The following NME7 variants were observed in gnomAD, a reference collection of about 807,000 sequenced individuals.
NME7 encodes NME/NM23 family member 7.
In NME7, 41 loss-of-function variants were observed where a neutral mutation model predicts 49.1. The ratio of observed to expected loss-of-function variants is 0.83; its 90% CI spans 0.65 to 1.08. The LOEUF (loss-of-function observed/expected upper bound fraction) is 1.08. Among genes scored for constraint, NME7 ranks in the 50% least tolerant of loss-of-function variants. The pLI is 0.00. For synonymous variants in NME7, 139 were observed against 150.6 expected (o/e 0.92, Z 0.56); for missense variants, 423 against 463.4 (o/e 0.91, Z 0.80).
intron 10 of NME7, among the ~76,000 whole-genome samples, chr1:169,180,449 A>G (rs998504620): frequency 6.6e-6 from 1 of 152,226 alleles, no homozygotes; most frequent in South Asian, 2.1e-4. Context: ...CCTCCTATCC[A>G]GCAATGAAGA....
chr1:169,282,814 A>T (rs1210560685), intron 7 of NME7, among the ~76,000 whole-genome samples: 2 of 151,678 alleles, frequency 1.3e-5, no homozygotes, highest in African/African-American at 4.8e-5. Flanking sequence ...GGTCTGAGAG[A>T]CTGTTATAAT....
At chr1:169,279,274 G>A (rs1247371063) in intron 7 of NME7, among the ~76,000 whole-genome samples, 4 of 152,202 alleles carry the variant, frequency 2.6e-5, no homozygotes, top group Admixed American at 2.6e-4. Context: ...TTGTTTGTCT[G>A]TGCTCTGCCC....
At chr1:169,269,094 C>T (rs1413963936) in intron 7 of NME7, among the ~76,000 whole-genome samples, 3 of 133,386 alleles carry the variant, frequency 2.2e-5, no homozygotes, top group African/African-American at 7.6e-5. Flanking sequence ...TAAATGCAAT[C>T]CTTCCTCAAA....
chr1:169,275,500 A>C (rs1157783756), intron 7 of NME7, among the ~76,000 whole-genome samples: 1 of 125,744 alleles, frequency 8.0e-6, no homozygotes, highest in African/African-American at 2.7e-5. Flanking sequence ...AAAAAAAAAA[A>C]AAAAAGAATG....
rs1314042949 is a variant in NME7 at position 169,230,715 on chromosome 1, T to C, written c.990+3A>G. 6.3e-7 allele frequency: 1 copy of C among 1,579,946 alleles called. No homozygotes were observed. Among genetic ancestry groups the C allele is most frequent in the Non-Finnish European group, 8.6e-7 (1 of 1,158,604 alleles). On this transcript the variant is annotated splice_donor_region_variant and intron_variant, in intron 10 of 11. Coordinates refer to ENST00000367811, the MANE Select transcript of NME7 (RefSeq NM_013330.5). ...TAGGATAATATTTTAAACAATAACT[T>C]ACAGGATCAGCAGGTCCACAAAATT...
intron 11 of NME7, among the ~76,000 whole-genome samples, chr1:169,144,617 T>A (rs1658697715): frequency 6.6e-6 from 1 of 152,134 alleles, no homozygotes; most frequent in Non-Finnish European, 1.5e-5. Flanking sequence ...TCCTGGAGAA[T>A]GTTAAATTCT....
Position 169,258,439 on chromosome 1 carries a change from T to C in NME7, c.755-20752A>G, listed in dbSNP as rs548896215. On this transcript the variant is annotated intron_variant, in intron 7 of 11. Coordinates refer to ENST00000367811, the MANE Select transcript of NME7 (RefSeq NM_013330.5). Reference sequence around the variant, plus strand: ...ACACACACACATACACACACACATATATCTTCTCATTCTCAAAGTTAGCCT... The same window carrying C: ...ACACACACACATACACACACACATACATCTTCTCATTCTCAAAGTTAGCCT... Among the ~76,000 whole-genome samples the C allele has an allele frequency of 3.3e-3, 398 of 120,366 alleles. 28 individuals are homozygous for C. The highest frequency in any genetic ancestry group is 0.011 in the African/African-American group (382 of 34,564). 79.0% of individuals were successfully genotyped at this position (120,366 alleles called of 152,430 possible). A position where few individuals can be genotyped will look rare whatever the true frequency, so the allele number is the denominator to read the frequency against.
intron 11 of NME7, among the ~76,000 whole-genome samples, chr1:169,144,177 C>T (rs374779804): frequency 7.2e-5 from 11 of 152,210 alleles, no homozygotes; most frequent in African/African-American, 2.4e-4. Flanking sequence ...AGCTACTACA[C>T]TGTAGCCTGG....
At chr1:169,292,260 C>A (rs546229226) in intron 6 of NME7, among the ~76,000 whole-genome samples, 118 of 152,102 alleles carry the variant, frequency 7.8e-4, no homozygotes, top group Admixed American at 1.4e-3. Flanking sequence ...TATTGGTGAC[C>A]TTAGGTGTGG....
chr1:169,247,932 G>T (rs1000843041), intron 7 of NME7, among the ~76,000 whole-genome samples: 5 of 152,234 alleles, frequency 3.3e-5, no homozygotes, highest in Middle Eastern at 3.4e-3. Context: ...TGTGAATTGT[G>T]TTGCAATAAA....
At chr1:169,320,110 G>A (rs1248031772) in intron 3 of NME7, among the ~76,000 whole-genome samples, 4 of 151,984 alleles carry the variant, frequency 2.6e-5, no homozygotes, top group Admixed American at 1.3e-4. Flanking sequence ...ATTATTTCTG[G>A]TTTGAGGTAA....
chr1:169,173,179 T>C (rs1261347212), intron 10 of NME7, among the ~76,000 whole-genome samples: 1 of 152,214 alleles, frequency 6.6e-6, no homozygotes, highest in Non-Finnish European at 1.5e-5. Flanking sequence ...AATGTTCTTA[T>C]TTGTAAGACA....
At position 169,230,822 on chromosome 1, in the gene NME7, A is replaced by G. The variant is rs775106969; in HGVS notation, c.889-3T>C. ...GAATACATTTCTGTCACCATGTCCT[A>G]TGATATGTAATATAAAAGAATGAAA... On this transcript the variant is annotated splice_polypyrimidine_tract_variant and splice_region_variant and intron_variant, in intron 9 of 11. Coordinates refer to ENST00000367811, the MANE Select transcript of NME7 (RefSeq NM_013330.5). 8.4e-6 allele frequency: 13 copies of G among 1,545,920 alleles called. No individual in the cohort carries two copies. The highest frequency in any genetic ancestry group is 1.1e-5 in the Non-Finnish European group (12 of 1,139,288).
chr1:169,265,902 A>C (rs1649303726), intron 7 of NME7, among the ~76,000 whole-genome samples: 1 of 132,708 alleles, frequency 7.5e-6, no homozygotes, highest in African/African-American at 2.5e-5. Flanking sequence ...ACATCCTCCC[A>C]ACACTGAACC....
At chr1:169,221,915 T>C (rs987776600) in intron 10 of NME7, among the ~76,000 whole-genome samples, 4 of 151,794 alleles carry the variant, frequency 2.6e-5, no homozygotes, top group African/African-American at 9.7e-5. Context: ...TGTTTGTTTG[T>C]TTTATTTTTG....
chr1:169,363,949 T>C (rs566484780), intron 1 of NME7, among the ~76,000 whole-genome samples: 2 of 152,324 alleles, frequency 1.3e-5, no homozygotes, highest in South Asian at 4.1e-4. Context: ...AAAAACAGTA[T>C]TGAGCAAATG....
At chr1:169,302,989 C>T in intron 5 of NME7, 156 bp downstream of exon 5, 1 of 435,982 alleles carries the variant, frequency 2.3e-6, no homozygotes, top group Middle Eastern at 3.5e-4. Flanking sequence ...AATAAAAAGA[C>T]AGAGAATATA....
chr1:169,201,949 A>C (rs1660562134), intron 10 of NME7, among the ~76,000 whole-genome samples: 1 of 152,164 alleles, frequency 6.6e-6, no homozygotes, highest in African/African-American at 2.4e-5. Flanking sequence ...CACAACTTAA[A>C]AGGCAGGTAG....
intron 10 of NME7, among the ~76,000 whole-genome samples, chr1:169,204,680 C>A (rs1363050031): frequency 6.6e-6 from 1 of 152,090 alleles, no homozygotes; most frequent in African/African-American, 2.4e-5. Context: ...CAACCTGTAT[C>A]TCTCTTAAAG....
Sources: gnomAD v4.1 joint callset for allele counts (sites outside exome capture counted in the v4.1 genomes callset) on GRCh38, gnomAD v4.1.1 for gene constraint, MANE v1.5 for transcripts, NCBI Gene and HGNC (gene_info 2026-07-23, HGNC 2026-07-21) for gene names.